RBBP8: variants seen among roughly 807,000 people sequenced by gnomAD.
The protein encoded by RBBP8 is DNA endonuclease RBBP8.
Under a neutral mutation model 108.3 loss-of-function variants are expected in RBBP8, and 88 were observed. The ratio of observed to expected loss-of-function variants is 0.81; its 90% confidence interval spans 0.68 to 0.97. The LOEUF is 0.97. RBBP8 is among the 50% of genes least tolerant of loss of function. The pLI, the probability that RBBP8 is intolerant of heterozygous loss-of-function variation, is 0.00. For synonymous variants in RBBP8, 332 were observed against 348.2 expected (o/e 0.95, Z 0.52); for missense variants, 1,023 against 1,049.0 (o/e 0.98, Z 0.34).
intron 5 of RBBP8, among the ~76,000 whole-genome samples, chr18:22,970,593 G>A (rs1260719848): frequency 6.6e-6 from 1 of 152,104 alleles, no homozygotes; most frequent in African/African-American, 2.4e-5. Flanking sequence ...TCAATCTGGT[G>A]GGTGAAGAAT....
At position 22,982,384 on chromosome 18, in the gene RBBP8, T is replaced by A; in HGVS notation, c.595T>A (p.Cys199Ser). 1 of 1,614,016 alleles carries A rather than the reference T, an allele frequency of 6.2e-7. No individual in the cohort carries two copies. Among genetic ancestry groups the A allele is most frequent in the Non-Finnish European group, 8.5e-7 (1 of 1,179,962 alleles). The change falls in exon 7 of 19, where the codon TGT becomes AGT. Residue 199 changes from cysteine to serine, a missense_variant. Cys to Ser is a moderately radical substitution (Grantham distance 112, BLOSUM62 -1). Transcript: ENST00000327155. ...ACATACTAAATTGGAGCACTCTGTGTGTGCAAATGGTAAGAGTTGGAGTTG... is the reference window on the plus strand; with the variant it reads ...ACATACTAAATTGGAGCACTCTGTGAGTGCAAATGGTAAGAGTTGGAGTTG... Reference protein sequence around the residue: ...QTHTKLEHSVCANEMRKVSKS... With the variant: ...QTHTKLEHSVSANEMRKVSKS...
chr18:22,939,981 A>T (rs1301960126), intron 2 of RBBP8, among the ~76,000 whole-genome samples: 1 of 150,980 alleles, frequency 6.6e-6, no homozygotes, highest in Non-Finnish European at 1.5e-5. Flanking sequence ...TAAGAGCTTG[A>T]TTTTATTCAA....
Position 22,993,239 on chromosome 18 carries a change from T to C in RBBP8, c.1412T>C (p.Phe471Ser). ...GCTTCTTTTGATAAAGAAAATGCTT[T>C]CCCTTTTCCAATGGATAATCAGTTT... ...PQASFDKENA[F>S]PFPMDNQFSM... The change falls in exon 11 of 19, where the codon TTC (phenylalanine) becomes TCC (serine). Residue 471 changes from phenylalanine (F) to serine (S), a missense_variant. Phe to Ser is a radical substitution (Grantham distance 155). Transcript: ENST00000327155. The C allele has an allele frequency of 6.2e-7, 1 of 1,614,232 alleles. No homozygotes were observed.
At chr18:22,946,595 G>A (rs1911584083) in intron 3 of RBBP8, 109 bp downstream of exon 3, 1 of 1,467,306 alleles carries the variant, frequency 6.8e-7, no homozygotes, top group East Asian at 2.4e-5. Context: ...TGACCTTAAT[G>A]TCTTATTTAT....
rs928545363 is a variant in RBBP8 at position 23,017,741 on chromosome 18, C to CTTTTTTTT, written c.2454+833_2454+840dup. Among the ~76,000 whole-genome samples, 16 of 89,188 alleles carry CTTTTTTTT rather than the reference C, an allele frequency of 1.8e-4. 1 individual carries two copies. The highest frequency in any genetic ancestry group is 5.5e-4 in the African/African-American group (11 of 20,032). The allele number at this position is 89,188 out of a possible 152,430, so 58.5% of individuals were successfully genotyped here. A position where few individuals can be genotyped will look rare whatever the true frequency, so the allele number is the denominator to read the frequency against. On this transcript the variant is annotated intron_variant, in intron 17 of 18. Transcript: ENST00000327155. Reference sequence around the variant, plus strand: ...AAAATAATTGGTACCAATATAAGTTCTTTTTTTTTTTTTTTTTTTTTTTGA... The same window carrying CTTTTTTTT: ...AAAATAATTGGTACCAATATAAGTTCTTTTTTTTTTTTTTTTTTTTTTTTTTTTTTTGA...
chr18:22,957,075 A>C (rs555510499), intron 4 of RBBP8, among the ~76,000 whole-genome samples: 1 of 152,278 alleles, frequency 6.6e-6, no homozygotes, highest in Non-Finnish European at 1.5e-5. Context: ...ATTGATACTT[A>C]TAATCAGGAG....
chr18:23,002,688 G>A (rs897839122), intron 15 of RBBP8, among the ~76,000 whole-genome samples: 56 of 152,036 alleles, frequency 3.7e-4, no homozygotes, highest in Admixed American at 3.0e-3. Flanking sequence ...TTTTAATCTA[G>A]TGCAAAGATT....
chr18:23,003,028 A>G (rs1487601997), intron 15 of RBBP8, among the ~76,000 whole-genome samples: 1 of 152,232 alleles, frequency 6.6e-6, no homozygotes, highest in African/African-American at 2.4e-5. Flanking sequence ...GACACTGACT[A>G]TCCCAGAATT....
At chr18:22,943,951 G>A (rs957328010) in intron 2 of RBBP8, among the ~76,000 whole-genome samples, 3 of 152,206 alleles carry the variant, frequency 2.0e-5, no homozygotes, top group East Asian at 3.9e-4. Context: ...GTGTGTGTAA[G>A]GTTAATTGTA....
intron 17 of RBBP8, among the ~76,000 whole-genome samples, chr18:23,020,178 T>C (rs1031192906): frequency 6.6e-6 from 1 of 151,492 alleles, no homozygotes; most frequent in Non-Finnish European, 1.5e-5. Context: ...TCCAGCACTT[T>C]GGGAGGCCGA....
chr18:23,016,865 G>C lies in RBBP8; in HGVS notation c.2395G>C (p.Val799Leu). The C allele has an allele frequency of 6.2e-7, 1 of 1,613,874 alleles. No individual in the cohort carries two copies. The part of the protein sequence containing the change: ...SLQNFPHIEV[V>L]RKKEERRKLL... ...GCAAAATTTTCCTCATATTGAGGTG[G>C]TTCGGAAAAAAGAGGAGAGAAGAAA... The change falls in exon 17 of 19, where the codon GTT (valine) becomes CTT (leucine). Residue 799 changes from valine (V) to leucine (L), a missense_variant. Physicochemically the swap from Val to Leu is conservative, Grantham distance 32 (BLOSUM62 1). Transcript: ENST00000327155.
chr18:22,992,876 T>C lies in RBBP8; in HGVS notation c.1049T>C (p.Leu350Pro). 1 of 1,614,022 alleles carries C rather than the reference T, an allele frequency of 6.2e-7. No homozygotes were observed. The highest frequency in any genetic ancestry group is 1.1e-5 in the South Asian group (1 of 91,078). The stretch of plus-strand genomic sequence containing the variant: ...TTGAATACAAGTTTGTCCCCTTCTC[T>C]TTTACAGCCTGGGAAAAAAAAACAT... ...LDLNTSLSPSLLQPGKKKHLK... is the reference protein window; with the variant it reads ...LDLNTSLSPSPLQPGKKKHLK... Residue 350 changes from leucine (L) to proline (P), a missense_variant, in exon 11 of 19, where the codon CTT becomes CCT. Coordinates refer to ENST00000327155, the MANE Select transcript of RBBP8 (RefSeq NM_002894.3).
At chr18:22,976,513 AGTATTCATAT>A (rs1914507757) in intron 6 of RBBP8, among the ~76,000 whole-genome samples, 1 of 152,130 alleles carries the variant, frequency 6.6e-6, no homozygotes, top group Non-Finnish European at 1.5e-5. Flanking sequence ...ACTTCATGTG[AGTATTCATAT>A]GTTTTGCTGT....
In RBBP8 at chr18:22,990,075, A is replaced by T. The variant is rs530115598; in HGVS notation, c.807+757A>T. On this transcript the variant is annotated intron_variant, in intron 9 of 18. Transcript: ENST00000327155. Reference sequence around the variant, plus strand: ...CTAGTTTTAAATTCATTCTTAAATGATAATGGGTAGTTTTTAACCTTTGAA... The same window carrying T: ...CTAGTTTTAAATTCATTCTTAAATGTTAATGGGTAGTTTTTAACCTTTGAA... 6.4e-4 allele frequency among the ~76,000 whole-genome samples: 97 copies of T among 152,344 alleles called. No individual in the cohort carries two copies. In the Middle Eastern group the frequency reaches 0.017, roughly 27 times the overall value.
chr18:23,002,976 G>C (rs1270004976), intron 15 of RBBP8, among the ~76,000 whole-genome samples: 1 of 152,048 alleles, frequency 6.6e-6, no homozygotes, highest in Non-Finnish European at 1.5e-5. Flanking sequence ...ACTATTTTTC[G>C]CAAAGGTGTA....
intron 4 of RBBP8, among the ~76,000 whole-genome samples, chr18:22,952,477 A>C (rs918292134): frequency 5.9e-5 from 9 of 152,162 alleles, no homozygotes; most frequent in Non-Finnish European, 1.3e-4. Flanking sequence ...CACTAACAAT[A>C]CCTTCTTTGC....
intron 1 of RBBP8, among the ~76,000 whole-genome samples, chr18:22,935,629 A>C (rs1486489722): frequency 6.6e-6 from 1 of 152,204 alleles, no homozygotes; most frequent in Non-Finnish European, 1.5e-5. Flanking sequence ...GGAAATGGTT[A>C]GCAGGAAACA....
At chr18:22,980,060 A>G (rs539172574) in intron 6 of RBBP8, among the ~76,000 whole-genome samples, 37 of 152,304 alleles carry the variant, frequency 2.4e-4, no homozygotes, top group Middle Eastern at 6.8e-3. Flanking sequence ...AGCCTGGCCA[A>G]CGTGGTGAAA....
Position 23,026,436 on chromosome 18 carries a change from T to C in RBBP8, c.*196T>C. On this transcript the variant is annotated 3_prime_UTR_variant, in exon 19 of 19. Transcript: ENST00000327155. ...GGCGCTTTCATTTTGCACTCTAACTTAAGAGTTTTTACTTTATGTAGTGAT... is the reference window on the plus strand; with the variant it reads ...GGCGCTTTCATTTTGCACTCTAACTCAAGAGTTTTTACTTTATGTAGTGAT... 1.8e-6 allele frequency: 1 copy of C among 541,196 alleles called. No individual in the cohort carries two copies. Among genetic ancestry groups the C allele is most frequent in the South Asian group, 2.0e-5 (1 of 49,064 alleles). 33.5% of individuals were successfully genotyped at this position (541,196 alleles called of 1,614,324 possible). A position where few individuals can be genotyped will look rare whatever the true frequency, so the allele number is the denominator to read the frequency against.
Sources: gnomAD v4.1 joint callset for allele counts (sites outside exome capture counted in the v4.1 genomes callset) on GRCh38, gnomAD v4.1.1 for gene constraint, MANE v1.5 for transcripts, NCBI Gene and HGNC (gene_info 2026-07-23, HGNC 2026-07-21) for gene names.